CNKSR3: variants seen among roughly 807,000 people sequenced by gnomAD.
CNKSR3 encodes CNKSR family member 3, also known as connector enhancer of kinase suppressor of ras 3.
CNKSR3 carries 36 observed loss-of-function variants against 67.7 expected under a neutral mutation model. The observed-to-expected ratio is 0.53, with a 90% CI of 0.41 to 0.70. The LOEUF is 0.70. Ranked by LOEUF, CNKSR3 falls within the 30% of genes least tolerant of loss-of-function variation. The pLI, the probability that CNKSR3 is intolerant of heterozygous loss-of-function variation, is 0.00. For synonymous variants in CNKSR3, 281 were observed against 271.4 expected (o/e 1.04, Z -0.35); for missense variants, 630 against 695.2 (o/e 0.91, Z 1.05).
chr6:154,422,992 A>G lies in CNKSR3; in HGVS notation c.730-9T>C. 3 of 1,579,992 alleles carry G rather than the reference A, an allele frequency of 1.9e-6. No homozygotes were observed. The highest frequency in any genetic ancestry group is 1.2e-5 in the South Asian group (1 of 86,414). ...GATCTGTCTGCAGGAGACTGTACAG[A>G]AACAAAATAACCTGCCTTAATTCTT... is the stretch of plus-strand genomic sequence containing the variant. On this transcript the variant is annotated splice_polypyrimidine_tract_variant and intron_variant, in intron 7 of 12. Coordinates refer to ENST00000607772, the MANE Select transcript of CNKSR3 (RefSeq NM_173515.4).
At chr6:154,439,110 C>G (rs182009722) in intron 4 of CNKSR3, among the ~76,000 whole-genome samples, 1 of 152,172 alleles carries the variant, frequency 6.6e-6, no homozygotes, top group Non-Finnish European at 1.5e-5. Context: ...GCTCTAGGCA[C>G]GTATCTCAAA....
At chr6:154,489,070 C>T (rs1325848276) in intron 1 of CNKSR3, among the ~76,000 whole-genome samples, 1 of 152,072 alleles carries the variant, frequency 6.6e-6, no homozygotes, top group Non-Finnish European at 1.5e-5. Flanking sequence ...TCTGCCTAAT[C>T]AATTCCCATT....
intron 2 of CNKSR3, among the ~76,000 whole-genome samples, chr6:154,446,132 T>C (rs1239320685): frequency 6.6e-6 from 1 of 152,232 alleles, no homozygotes; most frequent in East Asian, 1.9e-4. Context: ...TCTGTTCACC[T>C]ACTAAAACCC....
chr6:154,479,279 G>A (rs1786518862), intron 1 of CNKSR3, among the ~76,000 whole-genome samples: 1 of 151,988 alleles, frequency 6.6e-6, no homozygotes. Context: ...TTTCCATTCT[G>A]TTTTCAATGT....
chr6:154,450,006 G>T, intron 2 of CNKSR3, 89 bp downstream of exon 2: 1 of 1,223,338 alleles, frequency 8.2e-7, no homozygotes, highest in Non-Finnish European at 1.1e-6. Flanking sequence ...AGGAAAGAGT[G>T]ATATGCTAAA....
chr6:154,463,222 A>ATCACTGT (rs1786120601), intron 1 of CNKSR3, among the ~76,000 whole-genome samples: 1 of 146,800 alleles, frequency 6.8e-6, no homozygotes, highest in Non-Finnish European at 1.5e-5. Context: ...GGCGCCCACC[A>ATCACTGT]CCACGCCCGG....
chr6:154,413,641 T>A (rs1784954495), intron 10 of CNKSR3, among the ~76,000 whole-genome samples: 1 of 152,150 alleles, frequency 6.6e-6, no homozygotes, highest in South Asian at 2.1e-4. Flanking sequence ...CAAGATGAAT[T>A]TACCATGGAG....
intron 1 of CNKSR3, among the ~76,000 whole-genome samples, chr6:154,466,918 A>G (rs1786214964): frequency 6.6e-6 from 1 of 151,504 alleles, no homozygotes; most frequent in Non-Finnish European, 1.5e-5. Context: ...AGCTCAGCCC[A>G]CCTGTATTTT....
At chr6:154,451,009 T>C (rs1785814200) in intron 1 of CNKSR3, among the ~76,000 whole-genome samples, 1 of 152,206 alleles carries the variant, frequency 6.6e-6, no homozygotes, top group Non-Finnish European at 1.5e-5. Flanking sequence ...TAAGTTTTCT[T>C]TTTAGATTAA....
At chr6:154,485,893 C>T (rs1419501877) in intron 1 of CNKSR3, among the ~76,000 whole-genome samples, 2 of 152,104 alleles carry the variant, frequency 1.3e-5, no homozygotes, top group Non-Finnish European at 2.9e-5. Context: ...CAAGAAGAAC[C>T]GGGCTGGTTT....
intron 1 of CNKSR3, among the ~76,000 whole-genome samples, chr6:154,472,387 A>G (rs746559624): frequency 6.6e-6 from 1 of 152,230 alleles, no homozygotes; most frequent in Non-Finnish European, 1.5e-5. Flanking sequence ...AGTGATGATT[A>G]AATCTGAAGG....
At chr6:154,414,201 C>T (rs1784966162) in intron 10 of CNKSR3, 98 bp downstream of exon 10, 4 of 1,322,732 alleles carry the variant, frequency 3.0e-6, no homozygotes, top group Non-Finnish European at 3.1e-6. Context: ...CACACTGTGG[C>T]TCAGCAACTT....
intron 1 of CNKSR3, among the ~76,000 whole-genome samples, chr6:154,506,302 G>A (rs1787102333): frequency 6.6e-6 from 1 of 152,092 alleles, no homozygotes; most frequent in Non-Finnish European, 1.5e-5. Context: ...AAGGAAAAGA[G>A]AGGAAAGGGG....
chr6:154,497,228 TC>T (rs1786897759), intron 1 of CNKSR3, among the ~76,000 whole-genome samples: 1 of 147,520 alleles, frequency 6.8e-6, no homozygotes, highest in Admixed American at 6.7e-5. Flanking sequence ...CTACTAAAGT[TC>T]AAAAAAAAAA....
At chr6:154,448,024 C>A (rs190113562) in intron 2 of CNKSR3, among the ~76,000 whole-genome samples, 1 of 151,988 alleles carries the variant, frequency 6.6e-6, no homozygotes, top group Non-Finnish European at 1.5e-5. Flanking sequence ...TAAGTGACCC[C>A]CCCTGTCCAA....
chr6:154,441,261 A>AGT, intron 4 of CNKSR3, 31 bp downstream of exon 4: 2 of 1,403,926 alleles, frequency 1.4e-6, no homozygotes, highest in Non-Finnish European at 2.0e-6. Context: ...AAAAAAAAAA[A>AGT]AAAAGAAAGT....
At chr6:154,451,370 G>C (rs1490855654) in intron 1 of CNKSR3, among the ~76,000 whole-genome samples, 1 of 152,226 alleles carries the variant, frequency 6.6e-6, no homozygotes, top group Non-Finnish European at 1.5e-5. Context: ...ATTTAAAAGT[G>C]TTTTAAAAGT....
At chr6:154,412,081 A>G (rs952655782) in intron 10 of CNKSR3, among the ~76,000 whole-genome samples, 1 of 152,244 alleles carries the variant, frequency 6.6e-6, no homozygotes, top group Admixed American at 6.5e-5. Context: ...TCCATTAGGC[A>G]AATCAGGACA....
chr6:154,462,112 T>C lies in CNKSR3; in HGVS notation c.53-11854A>G, dbSNP rs888441235. 3.9e-5 allele frequency among the ~76,000 whole-genome samples: 6 copies of C among 152,312 alleles called. No individual in the cohort carries two copies. In the Middle Eastern group the frequency reaches 0.01, roughly 259 times the overall value. On this transcript the variant is annotated intron_variant, in intron 1 of 12. Transcript: ENST00000607772. The stretch of plus-strand genomic sequence containing the variant: ...ATACATATACCATACAATTCGCCTA[T>C]TTAAAGTAAACAATTCAGCAGGTTT...
Sources: gnomAD v4.1 joint callset for allele counts (sites outside exome capture counted in the v4.1 genomes callset) on GRCh38, gnomAD v4.1.1 for gene constraint, MANE v1.5 for transcripts, NCBI Gene and HGNC (gene_info 2026-07-23, HGNC 2026-07-21) for gene names.